Variants in CSMD3 observed in about 807,000 individuals in gnomAD.
The protein encoded by CSMD3 is CUB and Sushi multiple domains 3.
A neutral mutation model predicts 435.2 loss-of-function variants in CSMD3; 177 were observed. That is an observed-to-expected ratio of 0.41 (90% confidence interval 0.36 to 0.46). CSMD3 has a LOEUF of 0.46. Among genes scored for constraint, CSMD3 ranks in the 20% least tolerant of loss-of-function variants. The probability of loss-of-function intolerance (pLI) is 0.34; values close to 1 mark genes in which losing one functional copy is unlikely to be tolerated. For missense variants in CSMD3, 4,265 were observed against 4,504.6 expected (o/e 0.95, Z 1.52); for synonymous variants, 1,656 against 1,520.5 (o/e 1.09, Z -2.07).
At chr8:112,710,239 G>C (rs2076583235) in intron 13 of CSMD3, among the ~76,000 whole-genome samples, 1 of 152,114 alleles carries the variant, frequency 6.6e-6, no homozygotes, top group African/African-American at 2.4e-5. Flanking sequence ...GATAAACTAT[G>C]AGTGACAAAC....
chr8:112,500,095 C>T (rs929599192), intron 30 of CSMD3, among the ~76,000 whole-genome samples: 6 of 151,542 alleles, frequency 4.0e-5, no homozygotes, highest in East Asian at 1.9e-4. Flanking sequence ...GGCAACACAG[C>T]GATACTCTGT....
In CSMD3 at chr8:113,380,648, AC is replaced by A. The variant is rs2094411074; in HGVS notation, c.178+56028del. Among the ~76,000 whole-genome samples the A allele has an allele frequency of 3.3e-5, 5 of 152,304 alleles. No individual in the cohort carries two copies. In the South Asian group the frequency reaches 1.0e-3, roughly 32 times the overall value. The stretch of plus-strand genomic sequence containing the variant: ...TCAAAACCAAACTGCTTGAACAATA[AC>A]CTTCCATAATAACACAAAAATGACT... On this transcript the variant is annotated intron_variant, in intron 1 of 70. Transcript: ENST00000297405.
intron 22 of CSMD3, among the ~76,000 whole-genome samples, chr8:112,616,639 C>G (rs1017616914): frequency 2.0e-5 from 3 of 152,064 alleles, no homozygotes. Flanking sequence ...TGGATTCAGA[C>G]AGTTTATTAC....
rs754147064 is a variant in CSMD3 at position 112,638,710 on chromosome 8, T to A, written c.3512A>T (p.Asn1171Ile). The change falls in exon 21 of 71, where the codon AAC (asparagine) becomes ATC (isoleucine). Residue 1171 changes from asparagine (N) to isoleucine (I), a missense_variant. Asn to Ile is a moderately radical substitution (Grantham distance 149). This residue lies in a region of CSMD3 where 3,255 missense variants were observed against 3,380.2 expected (regional missense o/e 0.96). Transcript: ENST00000297405. The part of the protein sequence containing the change: ...SDFSISYEGF[N>I]ITFSEYNLEP... Reference sequence around the variant, plus strand: ...TATTTTCTCACCAGAGAATGTTATGTTAAATCCTTCATATGATATTGAAAA... The same window carrying A: ...TATTTTCTCACCAGAGAATGTTATGATAAATCCTTCATATGATATTGAAAA... 6.3e-7 allele frequency: 1 copy of A among 1,589,952 alleles called. No homozygotes were observed. The highest frequency in any genetic ancestry group is 8.6e-7 in the Non-Finnish European group (1 of 1,158,562).
intron 9 of CSMD3, among the ~76,000 whole-genome samples, chr8:112,947,122 G>T (rs541710353): frequency 7.5e-4 from 114 of 151,706 alleles, no homozygotes; most frequent in Middle Eastern, 3.4e-3. Context: ...CTAATATTTT[G>T]ATAGGCTTTT....
At chr8:113,406,044 G>A (rs183586216) in intron 1 of CSMD3, among the ~76,000 whole-genome samples, 4 of 151,908 alleles carry the variant, frequency 2.6e-5, no homozygotes, top group African/African-American at 9.6e-5. Flanking sequence ...ATAAGAGGTG[G>A]TGTCAGAAGC....
At chr8:113,072,782 A>C (rs1015186679) in intron 5 of CSMD3, among the ~76,000 whole-genome samples, 2 of 151,040 alleles carry the variant, frequency 1.3e-5, no homozygotes, top group African/African-American at 2.4e-5. Flanking sequence ...CTGATGAGCA[A>C]ATTTCAAAGG....
chr8:113,150,260 G>T (rs2091775960), intron 4 of CSMD3, among the ~76,000 whole-genome samples: 1 of 151,878 alleles, frequency 6.6e-6, no homozygotes, highest in Non-Finnish European at 1.5e-5. Context: ...TGTAATTATG[G>T]TTCCTAGTCA....
intron 35 of CSMD3, among the ~76,000 whole-genome samples, chr8:112,394,633 A>G (rs183684962): frequency 5.5e-4 from 83 of 152,208 alleles, no homozygotes; most frequent in African/African-American, 1.8e-3. Flanking sequence ...AACAAGAAAG[A>G]CTTTTATTCA....
chr8:112,605,071 C>CATAATGAG (rs1832686752), intron 22 of CSMD3, among the ~76,000 whole-genome samples: 1 of 151,988 alleles, frequency 6.6e-6, no homozygotes, highest in African/African-American at 2.4e-5. Flanking sequence ...AAATCAAAAC[C>CATAATGAG]ACAATGAGAT....
intron 32 of CSMD3, among the ~76,000 whole-genome samples, chr8:112,462,712 A>G (rs1043620733): frequency 1.3e-5 from 2 of 152,224 alleles, no homozygotes; most frequent in Admixed American, 1.3e-4. Context: ...ATTACAGCTT[A>G]TATTAAAACA....
chr8:112,690,501 T>C (rs1028877517), intron 13 of CSMD3, among the ~76,000 whole-genome samples: 16 of 151,804 alleles, frequency 1.1e-4, no homozygotes, highest in Admixed American at 1.1e-3. Context: ...TCTGTGTCTA[T>C]ACTCCTACAG....
intron 35 of CSMD3, among the ~76,000 whole-genome samples, chr8:112,398,446 G>A (rs1299808638): frequency 6.6e-6 from 1 of 152,142 alleles, no homozygotes; most frequent in Non-Finnish European, 1.5e-5. Flanking sequence ...TAGCTCCACT[G>A]GACATTTTTC....
At chr8:113,215,856 T>C (rs2092898719) in intron 3 of CSMD3, among the ~76,000 whole-genome samples, 2 of 151,808 alleles carry the variant, frequency 1.3e-5, no homozygotes, top group South Asian at 2.1e-4. Context: ...AAATTCACTG[T>C]ACTTGAAACC....
At chr8:112,699,217 G>A (rs535956604) in intron 13 of CSMD3, among the ~76,000 whole-genome samples, 1 of 152,232 alleles carries the variant, frequency 6.6e-6, no homozygotes, top group East Asian at 1.9e-4. Flanking sequence ...TTTAAGAGCT[G>A]TAACACTCAC....
chr8:112,353,491 G>C lies in CSMD3; in HGVS notation c.6137-957C>G, dbSNP rs534538675. Among the ~76,000 whole-genome samples, 3 of 152,294 alleles carry C rather than the reference G, an allele frequency of 2.0e-5. No individual in the cohort carries two copies. The East Asian group carries it at 5.8e-4, about 29-fold the overall frequency. Reference sequence around the variant, plus strand: ...ATTTTTCTGATAAGGAGATAACAATGTAATTCAAAACACTTTCATTATTTT... The same window carrying C: ...ATTTTTCTGATAAGGAGATAACAATCTAATTCAAAACACTTTCATTATTTT... On this transcript the variant is annotated intron_variant, in intron 38 of 70. Coordinates refer to ENST00000297405, the MANE Select transcript of CSMD3 (RefSeq NM_198123.2).
At chr8:112,571,527 A>C (rs1829514210) in intron 24 of CSMD3, among the ~76,000 whole-genome samples, 1 of 151,940 alleles carries the variant, frequency 6.6e-6, no homozygotes, top group Non-Finnish European at 1.5e-5. Context: ...ATGTATCAAA[A>C]CAAAAAAATC....
At chr8:113,355,323 G>T (rs1249326991) in intron 1 of CSMD3, among the ~76,000 whole-genome samples, 1 of 151,920 alleles carries the variant, frequency 6.6e-6, no homozygotes, top group Admixed American at 6.6e-5. Context: ...TTCTTAGTCA[G>T]TTCTGGCTGC....
chr8:112,259,932 C>A (rs2130338099), intron 61 of CSMD3, among the ~76,000 whole-genome samples: 1 of 152,224 alleles, frequency 6.6e-6, no homozygotes, highest in East Asian at 1.9e-4. Flanking sequence ...TATGCATATT[C>A]AAATAAAGGA....
Sources: gnomAD v4.1 joint callset for allele counts (sites outside exome capture counted in the v4.1 genomes callset) on GRCh38, gnomAD v4.1.1 for gene constraint, gnomAD v4.1.1 regional missense constraint, MANE v1.5 for transcripts, NCBI Gene and HGNC (gene_info 2026-07-23, HGNC 2026-07-21) for gene names.